The following PAN3 variants were observed in gnomAD, a reference collection of about 807,000 sequenced individuals.
PAN3 encodes PAN2-PAN3 deadenylation complex subunit PAN3.
Under a neutral mutation model 96.2 loss-of-function variants are expected in PAN3, and 19 were observed. That is an observed-to-expected ratio of 0.20 (90% CI 0.14 to 0.29). The LOEUF (loss-of-function observed/expected upper bound fraction) is 0.29, where lower values mean the gene tolerates loss of function less well. PAN3 is among the 10% of genes least tolerant of loss of function. PAN3 has a pLI of 1.00. For missense variants in PAN3, 882 were observed against 1,108.1 expected (o/e 0.80, Z 2.90); for synonymous variants, 433 against 406.6 (o/e 1.06, Z -0.78).
rs35542876 is a variant in PAN3, at chr13:28,280,555, ATTTTTTTTT to A, written c.2319+30_2319+38del. 26 of 1,150,216 alleles carry A rather than the reference ATTTTTTTTT, an allele frequency of 2.3e-5. No homozygotes were observed. The highest frequency in any genetic ancestry group is 6.4e-5 in the East Asian group (2 of 31,102). 71.3% of individuals were successfully genotyped at this position (1,150,216 alleles called of 1,614,324 possible). ...GACCTTGCAAAGGTAAAGAGTGTAA[ATTTTTTTTT>A]TTTTTTTTTTTTTTTGAGACAGAGT... is the stretch of plus-strand genomic sequence containing the variant. On this transcript the variant is annotated intron_variant, in intron 16 of 18. Transcript: ENST00000380958.
chr13:28,143,254 C>T (rs930730397), intron 1 of PAN3, among the ~76,000 whole-genome samples: 1 of 151,890 alleles, frequency 6.6e-6, no homozygotes, highest in East Asian at 1.9e-4. Flanking sequence ...ATGTAGCTTA[C>T]GTAACATTTC....
Position 28,176,597 on chromosome 13 carries a change from A to C in PAN3, c.619+38A>C. On this transcript the variant is annotated intron_variant, in intron 3 of 18. Coordinates refer to ENST00000380958, the MANE Select transcript of PAN3 (RefSeq NM_175854.8). The stretch of plus-strand genomic sequence containing the variant: ...CCCTTTTGCTTATGTGTGTCTGTGT[A>C]TATATTTCTTACTCTAAAAGTAATA... The C allele has an allele frequency of 5.7e-6, 9 of 1,573,602 alleles. 1 individual carries two copies. Among genetic ancestry groups the C allele is most frequent in the Non-Finnish European group, 7.8e-6 (9 of 1,147,216 alleles).
chr13:28,207,152 C>G (rs1367946852), intron 5 of PAN3, among the ~76,000 whole-genome samples: 1 of 152,186 alleles, frequency 6.6e-6, no homozygotes, highest in African/African-American at 2.4e-5. Context: ...TCTGTAGACA[C>G]TTATTCACAA....
At chr13:28,153,305 G>A (rs370878432) in intron 1 of PAN3, among the ~76,000 whole-genome samples, 13 of 138,090 alleles carry the variant, frequency 9.4e-5, no homozygotes, top group African/African-American at 3.6e-4. Context: ...GCGCGATCTC[G>A]GCTCACTGTA....
intron 6 of PAN3, among the ~76,000 whole-genome samples, chr13:28,233,584 T>A (rs1398509765): frequency 1.3e-5 from 2 of 152,202 alleles, no homozygotes; most frequent in African/African-American, 4.8e-5. Context: ...TAAGACATTC[T>A]TATTAGAATT....
At chr13:28,209,190 C>CA (rs1363788558) in intron 5 of PAN3, among the ~76,000 whole-genome samples, 1 of 151,966 alleles carries the variant, frequency 6.6e-6, no homozygotes, top group Non-Finnish European at 1.5e-5. Context: ...TCTGCAGATT[C>CA]AGAACCCATG....
At chr13:28,240,721 A>AT (rs1481814294) in intron 6 of PAN3, among the ~76,000 whole-genome samples, 1 of 152,162 alleles carries the variant, frequency 6.6e-6, no homozygotes, top group African/African-American at 2.4e-5. Flanking sequence ...GATTAAGAAC[A>AT]TTTTTTGCCA....
At chr13:28,150,785 TTACTC>T (rs1748895621) in intron 1 of PAN3, among the ~76,000 whole-genome samples, 1 of 152,214 alleles carries the variant, frequency 6.6e-6, no homozygotes, top group South Asian at 2.1e-4. Context: ...TATTGAGTGT[TTACTC>T]TGTTAGGTAC....
intron 5 of PAN3, chr13:28,215,356 C>G: frequency 1.3e-6 from 1 of 751,636 alleles, no homozygotes; most frequent in South Asian, 1.4e-5. Context: ...GTCACCTTTG[C>G]TCCAGTCAAC....
intron 5 of PAN3, among the ~76,000 whole-genome samples, chr13:28,204,125 A>T (rs775757021): frequency 6.6e-6 from 1 of 151,790 alleles, no homozygotes; most frequent in Non-Finnish European, 1.5e-5. Context: ...TCTGTTTTAT[A>T]TTTTTTTCAT....
At chr13:28,216,557 T>A (rs924412201) in intron 5 of PAN3, among the ~76,000 whole-genome samples, 1 of 152,180 alleles carries the variant, frequency 6.6e-6, no homozygotes, top group Non-Finnish European at 1.5e-5. Flanking sequence ...ATGGAAAGAT[T>A]ACTGATACCA....
intron 4 of PAN3, among the ~76,000 whole-genome samples, chr13:28,183,664 A>G (rs1234246283): frequency 6.6e-6 from 1 of 152,244 alleles, no homozygotes; most frequent in East Asian, 1.9e-4. Context: ...AGGAATGATA[A>G]TAACACGGCA....
At chr13:28,214,240 C>T (rs778711070) in intron 5 of PAN3, among the ~76,000 whole-genome samples, 9 of 152,110 alleles carry the variant, frequency 5.9e-5, no homozygotes, top group South Asian at 2.1e-4. Flanking sequence ...ACAAATGAAA[C>T]GTGTATTTGT....
intron 14 of PAN3, among the ~76,000 whole-genome samples, chr13:28,276,573 AGGT>A (rs1205965876): frequency 1.3e-5 from 2 of 152,230 alleles, no homozygotes; most frequent in African/African-American, 4.8e-5. Flanking sequence ...TTAGGAAAGC[AGGT>A]GGTGGTTCCA....
intron 1 of PAN3, among the ~76,000 whole-genome samples, chr13:28,169,206 A>ATTTT (rs201186587): frequency 1.1e-5 from 1 of 88,924 alleles, no homozygotes; most frequent in African/African-American, 4.2e-5. Context: ...GCATTTTCTC[A>ATTTT]TTTTTTTTTT....
intron 17 of PAN3, among the ~76,000 whole-genome samples, chr13:28,282,356 A>G (rs9554304): frequency 0.13 from 19,207 of 150,634 alleles, 1,417 homozygotes; most frequent in East Asian, 0.33. Context: ...TTTTTTTACC[A>G]TGGAATTCAA....
At chr13:28,268,708 A>C (rs899654042) in intron 12 of PAN3, among the ~76,000 whole-genome samples, 1 of 152,136 alleles carries the variant, frequency 6.6e-6, no homozygotes, top group Admixed American at 6.6e-5. Flanking sequence ...ATTAAAGAGG[A>C]GGGGAGAAAG....
At chr13:28,226,222 T>C (rs890852314) in intron 6 of PAN3, among the ~76,000 whole-genome samples, 1 of 152,212 alleles carries the variant, frequency 6.6e-6, no homozygotes, top group Non-Finnish European at 1.5e-5. Context: ...CTAAGTGATA[T>C]AATTATTAAA....
intron 4 of PAN3, among the ~76,000 whole-genome samples, chr13:28,180,218 T>C (rs1875587878): frequency 6.6e-6 from 1 of 152,198 alleles, no homozygotes; most frequent in African/African-American, 2.4e-5. Flanking sequence ...TTAATGTCTG[T>C]CTAAATTGAA....
Sources: gnomAD v4.1 joint callset for allele counts (sites outside exome capture counted in the v4.1 genomes callset) on GRCh38, gnomAD v4.1.1 for gene constraint, MANE v1.5 for transcripts, NCBI Gene and HGNC (gene_info 2026-07-23, HGNC 2026-07-21) for gene names.